The following PSMG2 variants were observed in gnomAD, a reference collection of about 807,000 sequenced individuals.
PSMG2 encodes proteasome assembly chaperone 2, also known as CD40 ligand-activated specific transcript 3.
Under a neutral mutation model 31.5 loss-of-function variants are expected in PSMG2, and 21 were observed. That is an observed-to-expected ratio of 0.67 (90% CI 0.47 to 0.96). The LOEUF (loss-of-function observed/expected upper bound fraction) is 0.96, where lower values mean the gene tolerates loss of function less well. Among genes scored for constraint, PSMG2 ranks in the 40% least tolerant of loss-of-function variants. PSMG2 has a pLI of 0.00. For missense variants in PSMG2, 318 were observed against 321.2 expected (o/e 0.99, Z 0.08); for synonymous variants, 120 against 110.4 (o/e 1.09, Z -0.54).
intron 3 of PSMG2, among the ~76,000 whole-genome samples, chr18:12,715,309 G>A (rs554776342): frequency 2.3e-4 from 35 of 151,762 alleles, no homozygotes; most frequent in Admixed American, 1.9e-3. Context: ...ACACCCAGCC[G>A]AAAGTAAGCT....
intron 1 of PSMG2, chr18:12,674,434 C>T (rs1471106243): frequency 2.4e-6 from 2 of 816,760 alleles, no homozygotes; most frequent in African/African-American, 1.8e-5. Flanking sequence ...AGAGCAAGAC[C>T]TTGAGTTAAA....
Position 12,703,105 on chromosome 18 carries a change from A to T in PSMG2, c.-3A>T, listed in dbSNP as rs767829029. ...AGTCCCTGCTGGCCACCCCACTGCG[A>T]CCATGTTCGTTCCCTGCGGGGAGTC... is the stretch of plus-strand genomic sequence containing the variant. On this transcript the variant is annotated 5_prime_UTR_variant, in exon 1 of 7. Transcript: ENST00000317615. 1 of 1,612,290 alleles carries T rather than the reference A, an allele frequency of 6.2e-7. No individual in the cohort carries two copies. Among genetic ancestry groups the T allele is most frequent in the Non-Finnish European group, 8.5e-7 (1 of 1,179,542 alleles).
chr18:12,719,993 A>G (rs926240590), intron 4 of PSMG2, among the ~76,000 whole-genome samples: 4 of 152,124 alleles, frequency 2.6e-5, no homozygotes, highest in Non-Finnish European at 5.9e-5. Flanking sequence ...CTGGGATTAC[A>G]GGCATGAGCC....
intron 1 of PSMG2, among the ~76,000 whole-genome samples, chr18:12,676,716 T>TG (rs1568011924): frequency 6.6e-6 from 1 of 152,234 alleles, no homozygotes; most frequent in Non-Finnish European, 1.5e-5. Context: ...AGAGGTCCCC[T>TG]GACCAACTTT....
intron 4 of PSMG2, among the ~76,000 whole-genome samples, chr18:12,718,917 C>T (rs1346167162): frequency 2.0e-5 from 3 of 152,128 alleles, no homozygotes; most frequent in African/African-American, 7.2e-5. Flanking sequence ...TACATGGCAA[C>T]ATCACAGAGC....
At chr18:12,700,615 A>C (rs905653754), upstream of PSMG2, among the ~76,000 whole-genome samples, 2 of 152,324 alleles carry the variant, frequency 1.3e-5, no homozygotes, top group Non-Finnish European at 2.9e-5. Context: ...AAATACGCTT[A>C]ATCTAAAAAA....
chr18:12,701,938 C>G (rs7507018), upstream of PSMG2, among the ~76,000 whole-genome samples: 59,462 of 151,928 alleles, frequency 0.39, 12,040 homozygotes, highest in Non-Finnish European at 0.45. Flanking sequence ...GGACCAGCCA[C>G]ACCAACATGG....
rs2040459479 is a variant in PSMG2, at chr18:12,724,685, A to ACTAC, written c.702+70_702+73dup. Reference sequence around the variant, plus strand: ...GTATTCATTAACTCGCACTTTATATACTACCTAAGTAGACCAAGTAAGTGA... The same window carrying ACTAC: ...GTATTCATTAACTCGCACTTTATATACTACCTACCTAAGTAGACCAAGTAAGTGA... On this transcript the variant is annotated intron_variant, in intron 6 of 6. Transcript: ENST00000317615. 3 of 1,445,074 alleles carry ACTAC rather than the reference A, an allele frequency of 2.1e-6. No individual in the cohort carries two copies. In the South Asian group the frequency reaches 4.4e-5, roughly 21 times the overall value. 89.5% of individuals were successfully genotyped at this position (1,445,074 alleles called of 1,614,324 possible).
intron 1 of PSMG2, among the ~76,000 whole-genome samples, chr18:12,661,029 C>T (rs1458945908): frequency 6.6e-6 from 1 of 152,200 alleles, no homozygotes; most frequent in Non-Finnish European, 1.5e-5. Context: ...ATAAGCTGGC[C>T]AGGCATGGTG....
At chr18:12,704,314 G>A (rs2040238454) in intron 1 of PSMG2, among the ~76,000 whole-genome samples, 1 of 152,156 alleles carries the variant, frequency 6.6e-6, no homozygotes, top group South Asian at 2.1e-4. Context: ...AGACAGGCAT[G>A]ATGGCTCATG....
At chr18:12,709,494 T>G (rs905884426) in intron 2 of PSMG2, among the ~76,000 whole-genome samples, 3 of 150,864 alleles carry the variant, frequency 2.0e-5, no homozygotes, top group African/African-American at 7.3e-5. Flanking sequence ...CCCAGCTAAT[T>G]CTTGTATTTT....
At chr18:12,663,549 A>C (rs1334565394) in intron 1 of PSMG2, 2 of 152,168 alleles carry the variant, frequency 1.3e-5, no homozygotes, top group Non-Finnish European at 2.9e-5. Context: ...CTGGGATTAC[A>C]GATGTGAGCC....
chr18:12,706,489 A>G (rs2040269686), intron 1 of PSMG2, 61 bp from the exon 2 acceptor site: 2 of 1,569,928 alleles, frequency 1.3e-6, no homozygotes, highest in East Asian at 2.2e-5. Context: ...TCTGTTTCAA[A>G]AAATAAAATA....
At chr18:12,705,717 G>T (rs973666688) in intron 1 of PSMG2, among the ~76,000 whole-genome samples, 1 of 152,020 alleles carries the variant, frequency 6.6e-6, no homozygotes, top group Non-Finnish European at 1.5e-5. Flanking sequence ...CTTTACACTT[G>T]CTTTCCCACT....
intron 1 of PSMG2, chr18:12,691,517 T>C (rs1191366727): frequency 3.3e-6 from 5 of 1,533,756 alleles, no homozygotes; most frequent in Non-Finnish European, 4.4e-6. Context: ...TTTTTCAATT[T>C]CTATTCATTA....
rs575374608 is a variant in PSMG2, at chr18:12,666,123, A to C, written c.-37+7350A>C. On this transcript the variant is annotated intron_variant, in intron 1 of 6. Transcript: ENST00000585331. The stretch of plus-strand genomic sequence containing the variant: ...CTTGATGCCAGAAGTTCAAGACCAG[A>C]CTGAGCAACATAGCAAGAACTCATC... 1.9e-4 allele frequency among the ~76,000 whole-genome samples: 28 copies of C among 151,126 alleles called. No homozygotes were observed. In the South Asian group the frequency reaches 5.7e-3, roughly 31 times the overall value.
intron 5 of PSMG2, chr18:12,724,289 T>C (rs1400882942): frequency 2.2e-6 from 1 of 463,254 alleles, no homozygotes; most frequent in African/African-American, 2.0e-5. Flanking sequence ...GAGGCATGAT[T>C]GTGCGTGTTC....
intron 1 of PSMG2, chr18:12,680,672 T>G: frequency 6.2e-7 from 1 of 1,610,426 alleles, no homozygotes; most frequent in Non-Finnish European, 8.5e-7. Flanking sequence ...CTGTGTCCTG[T>G]TAAACTCTCC....
At position 12,671,642 on chromosome 18, in the gene PSMG2, CTTTTT is replaced by C. The variant is rs869130220; in HGVS notation, c.-37+12889_-37+12893del. Among the ~76,000 whole-genome samples the C allele has an allele frequency of 7.2e-5, 4 of 55,542 alleles. No individual in the cohort carries two copies. In the South Asian group the frequency reaches 1.7e-3, roughly 23 times the overall value. The allele number at this position is 55,542 out of a possible 152,430, so 36.4% of individuals were successfully genotyped here. On this transcript the variant is annotated intron_variant, in intron 1 of 6. Transcript: ENST00000585331. ...GTTGAGGAATCAGGTTTCACACTTTCTTTTTTTTTTTTTTTTTTTTTTTTGAGACA... is the reference window on the plus strand; with the variant it reads ...GTTGAGGAATCAGGTTTCACACTTTCTTTTTTTTTTTTTTTTTTTGAGACA...
Sources: gnomAD v4.1 joint callset for allele counts (sites outside exome capture counted in the v4.1 genomes callset) on GRCh38, gnomAD v4.1.1 for gene constraint, MANE v1.5 for transcripts, NCBI Gene and HGNC (gene_info 2026-07-23, HGNC 2026-07-21) for gene names.